Variants in ZBTB46 observed in about 807,000 individuals in gnomAD.
ZBTB46 encodes the protein zinc finger and BTB domain-containing protein 46.
ZBTB46 carries 8 observed loss-of-function variants against 44.1 expected under a neutral mutation model. The observed-to-expected ratio is 0.18, with a 90% CI of 0.11 to 0.33. The LOEUF (loss-of-function observed/expected upper bound fraction) is 0.33, where lower values mean the gene tolerates loss of function less well. ZBTB46 is among the 10% of genes least tolerant of loss of function. The pLI, the probability that ZBTB46 is intolerant of heterozygous loss-of-function variation, is 1.00. For synonymous variants in ZBTB46, 409 were observed against 382.3 expected (o/e 1.07, Z -0.81); for missense variants, 651 against 847.7 (o/e 0.77, Z 2.88).
At chr20:63,814,005 C>T (rs1346796207) in intron 1 of ZBTB46, among the ~76,000 whole-genome samples, 2 of 152,084 alleles carry the variant, frequency 1.3e-5, no homozygotes, top group Non-Finnish European at 2.9e-5. Flanking sequence ...GAGACCGAGG[C>T]GGGTGGATCA....
In ZBTB46 at chr20:63,830,521, C is replaced by T. The variant is rs1345145835; in HGVS notation, c.-34+576G>A. Reference sequence around the variant, plus strand: ...CCGGCGTCCGGGGAGACAATGACCCCCCGGCCTCAGGGCGCCGGGACCCGC... The same window carrying T: ...CCGGCGTCCGGGGAGACAATGACCCTCCGGCCTCAGGGCGCCGGGACCCGC... On this transcript the variant is annotated intron_variant, in intron 1 of 4. Transcript: ENST00000245663. Among the ~76,000 whole-genome samples, 16 of 150,620 alleles carry T rather than the reference C, an allele frequency of 1.1e-4. No individual in the cohort carries two copies. The East Asian group carries it at 1.6e-3, about 15-fold the overall frequency.
Position 63,789,691 on chromosome 20 carries a change from G to C in ZBTB46, c.937+130C>G, listed in dbSNP as rs1486079042. The C allele has an allele frequency of 2.1e-6, 3 of 1,453,074 alleles. No homozygotes were observed. In the African/African-American group the frequency reaches 4.2e-5, roughly 21 times the overall value. 90.0% of individuals were successfully genotyped at this position (1,453,074 alleles called of 1,614,324 possible). A position where few individuals can be genotyped will look rare whatever the true frequency, so the allele number is the denominator to read the frequency against. ...TTCCCAGCGGTCACGACAACCTCCT[G>C]TAAGAGGAAGTGACCCTAGAAAGCC... is the stretch of plus-strand genomic sequence containing the variant. On this transcript the variant is annotated intron_variant, in intron 2 of 4. Transcript: ENST00000245663.
chr20:63,755,306 G>A (rs1289937854), intron 3 of ZBTB46, among the ~76,000 whole-genome samples: 2 of 152,242 alleles, frequency 1.3e-5, no homozygotes, highest in Non-Finnish European at 2.9e-5. Context: ...GAGGCCAAAG[G>A]TCAGAGATCA....
intron 2 of ZBTB46, among the ~76,000 whole-genome samples, chr20:63,784,233 C>T (rs1156663767): frequency 3.3e-5 from 5 of 152,178 alleles, no homozygotes; most frequent in South Asian, 2.1e-4. Flanking sequence ...CCCTGAGACC[C>T]GCCGGAGGCA....
chr20:63,829,355 A>C (rs1341701603), intron 1 of ZBTB46, among the ~76,000 whole-genome samples: 4 of 152,278 alleles, frequency 2.6e-5, no homozygotes, highest in African/African-American at 9.6e-5. Context: ...TCTCACGTTC[A>C]GGATAATGCT....
chr20:63,779,885 T>C (rs2092455198), intron 2 of ZBTB46, among the ~76,000 whole-genome samples: 1 of 151,524 alleles, frequency 6.6e-6, no homozygotes, highest in Admixed American at 6.6e-5. Context: ...TAAAGCCAAA[T>C]TTTAAATCTA....
intron 3 of ZBTB46, chr20:63,775,250 T>A: frequency 6.0e-6 from 1 of 167,730 alleles, no homozygotes; most frequent in Non-Finnish European, 1.3e-5. Context: ...TGCAATCGGC[T>A]CGCAGCGGCC....
chr20:63,746,722 C>T lies in ZBTB46; in HGVS notation c.*208G>A. On this transcript the variant is annotated 3_prime_UTR_variant, in exon 5 of 5. Coordinates refer to ENST00000245663, the MANE Select transcript of ZBTB46 (RefSeq NM_001369741.1). ...CCACCCTGTGCCCTCCCCCAACTCA[C>T]TTCATGTCTGGTCCCAGAGCACCCC... 1.3e-6 allele frequency: 1 copy of T among 750,402 alleles called. No homozygotes were observed. The highest frequency in any genetic ancestry group is 3.1e-5 in the East Asian group (1 of 32,298). The allele number at this position is 750,402 out of a possible 1,614,324, so 46.5% of individuals were successfully genotyped here. A position where few individuals can be genotyped will look rare whatever the true frequency, so the allele number is the denominator to read the frequency against.
upstream of ZBTB46, among the ~76,000 whole-genome samples, chr20:63,831,507 C>T (rs1308708365): frequency 6.8e-6 from 1 of 147,048 alleles, no homozygotes; most frequent in Non-Finnish European, 1.5e-5. Flanking sequence ...CCGTTCTCCC[C>T]CCCGCGGGCA....
Position 63,823,279 on chromosome 20 carries a change from G to A in ZBTB46, c.-34+7818C>T, listed in dbSNP as rs4809235. The stretch of plus-strand genomic sequence containing the variant: ...CAGGTGGGCAGATGGGGGTGCACTC[G>A]CGCTCAGGAGTTCAAGACCAGCGTG... On this transcript the variant is annotated intron_variant, in intron 1 of 4. Transcript: ENST00000245663. Among the ~76,000 whole-genome samples the A allele has an allele frequency of 3.9e-3, 593 of 151,536 alleles. 2 individuals carry two copies. Among genetic ancestry groups the A allele is most frequent in the African/African-American group, 0.014 (571 of 41,340 alleles).
chr20:63,781,009 C>T (rs1256794892), intron 2 of ZBTB46, among the ~76,000 whole-genome samples: 2 of 148,638 alleles, frequency 1.3e-5, no homozygotes. Flanking sequence ...GGCGCGGTGG[C>T]GGGTGCCTGT....
At chr20:63,822,276 C>G (rs967024910) in intron 1 of ZBTB46, among the ~76,000 whole-genome samples, 1 of 152,218 alleles carries the variant, frequency 6.6e-6, no homozygotes, top group East Asian at 1.9e-4. Flanking sequence ...ACGGGACACA[C>G]GTCCAGCCTT....
chr20:63,780,670 C>T lies in ZBTB46; in HGVS notation c.938-4708G>A, dbSNP rs868155616. Among the ~76,000 whole-genome samples the T allele has an allele frequency of 1.1e-4, 17 of 151,374 alleles. No homozygotes were observed. In the South Asian group the frequency reaches 3.4e-3, roughly 30 times the overall value. The stretch of plus-strand genomic sequence containing the variant: ...ACAAAAAATGAGCCGGGCGTGGTGG[C>T]GGGCGCCTGTAGTCCCAGCTACTCG... On this transcript the variant is annotated intron_variant, in intron 2 of 4. Transcript: ENST00000245663.
chr20:63,795,578 C>A (rs2092597291), intron 1 of ZBTB46, among the ~76,000 whole-genome samples: 1 of 152,230 alleles, frequency 6.6e-6, no homozygotes, highest in Non-Finnish European at 1.5e-5. Flanking sequence ...AACTGAGGGC[C>A]TCAAAACCAG....
intron 1 of ZBTB46, among the ~76,000 whole-genome samples, chr20:63,791,706 C>CG (rs1755962523): frequency 6.6e-6 from 1 of 152,126 alleles, no homozygotes; most frequent in African/African-American, 2.4e-5. Context: ...CGGCTGCCAG[C>CG]GCCCTGGACG....
intron 2 of ZBTB46, among the ~76,000 whole-genome samples, chr20:63,784,949 T>C (rs921160183): frequency 3.2e-4 from 48 of 152,254 alleles, no homozygotes; most frequent in Admixed American, 2.0e-3. Flanking sequence ...AAAGAGACTT[T>C]GTGGCCGGGC....
chr20:63,833,300 A>G (rs1205349234), upstream of ZBTB46, among the ~76,000 whole-genome samples: 1 of 152,230 alleles, frequency 6.6e-6, no homozygotes, highest in Non-Finnish European at 1.5e-5. Flanking sequence ...CTTGGTAGAA[A>G]CTTGCTGAGG....
intron 1 of ZBTB46, chr20:63,808,283 G>C (rs140402974): frequency 1.3e-5 from 2 of 152,476 alleles, no homozygotes; most frequent in Non-Finnish European, 2.9e-5. Context: ...AACCTGTCAG[G>C]GGTCCCCTGT....
At chr20:63,778,186 T>C (rs2092440480) in intron 2 of ZBTB46, among the ~76,000 whole-genome samples, 1 of 151,986 alleles carries the variant, frequency 6.6e-6, no homozygotes, top group South Asian at 2.1e-4. Context: ...GGGGTGTGAA[T>C]CATCTCTCAG....
Sources: allele counts gnomAD v4.1 joint callset (sites outside exome capture counted in the v4.1 genomes callset), GRCh38; gene constraint gnomAD v4.1.1; transcripts MANE v1.5; gene names NCBI Gene and HGNC (gene_info 2026-07-23, HGNC 2026-07-21).